EXOSC10: variants seen among roughly 807,000 people sequenced by gnomAD.
The protein encoded by EXOSC10 is exosome complex component 10.
Under a neutral mutation model 126.6 loss-of-function variants are expected in EXOSC10, and 94 were observed. That is an observed-to-expected ratio of 0.74 (90% CI 0.63 to 0.88). The LOEUF (loss-of-function observed/expected upper bound fraction) is 0.88, where lower values mean the gene tolerates loss of function less well. EXOSC10 is among the 40% of genes least tolerant of loss of function. The pLI, the probability that EXOSC10 is intolerant of heterozygous loss-of-function variation, is 0.00. For synonymous variants in EXOSC10, 395 were observed against 400.8 expected (o/e 0.99, Z 0.17); for missense variants, 1,041 against 1,100.5 (o/e 0.95, Z 0.77).
intron 19 of EXOSC10, chr1:11,072,695 A>G (rs1322969675): frequency 6.6e-6 from 1 of 152,480 alleles, no homozygotes; most frequent in Non-Finnish European, 1.5e-5. Flanking sequence ...CAGAAGCCCC[A>G]CCTGATTCCC....
intron 19 of EXOSC10, 157 bp from the exon 20 acceptor site, chr1:11,072,328 A>C: frequency 1.7e-6 from 1 of 590,380 alleles, no homozygotes; most frequent in East Asian, 2.9e-5. Flanking sequence ...AATAAATTTC[A>C]TGCTGGCTTT....
At position 11,095,884 on chromosome 1, in the gene EXOSC10, A is replaced by T. The variant is rs1236300335; in HGVS notation, c.249-3T>A. The T allele has an allele frequency of 6.2e-7, 1 of 1,609,418 alleles. No homozygotes were observed. Among genetic ancestry groups the T allele is most frequent in the Admixed American group, 1.7e-5 (1 of 59,226 alleles). On this transcript the variant is annotated splice_region_variant and splice_polypyrimidine_tract_variant and intron_variant, in intron 2 of 24. Transcript: ENST00000376936. ...GGTACTGCATTACTCTGCTCATGCT[A>T]AGGAAAGGAAAACCAAGGTTAGCTT... is the stretch of plus-strand genomic sequence containing the variant.
At chr1:11,078,264 C>CTTTTTTTT (rs1220119181) in intron 14 of EXOSC10, among the ~76,000 whole-genome samples, 6 of 143,724 alleles carry the variant, frequency 4.2e-5, no homozygotes, top group East Asian at 2.1e-4. Flanking sequence ...GACCCTGTTT[C>CTTTTTTTT]TTTTTTTTTT....
chr1:11,093,387 C>T (rs918474902), intron 3 of EXOSC10, among the ~76,000 whole-genome samples: 2 of 152,166 alleles, frequency 1.3e-5, no homozygotes, highest in Non-Finnish European at 2.9e-5. Flanking sequence ...TCAGCTTGGG[C>T]ACTACTAACA....
chr1:11,094,626 A>G (rs1640972259), intron 3 of EXOSC10, among the ~76,000 whole-genome samples: 1 of 129,712 alleles, frequency 7.7e-6, no homozygotes, highest in South Asian at 2.5e-4. Context: ...TTTTTGAGAC[A>G]GAGTCTCACT....
Position 11,071,203 on chromosome 1 carries a change from GCTC to G in EXOSC10, c.2243-233_2243-231del, listed in dbSNP as rs575497122. The G allele has an allele frequency of 7.5e-4, 395 of 526,776 alleles. 2 individuals carry two copies. The highest frequency in any genetic ancestry group is 6.3e-3 in the African/African-American group (330 of 52,394). The allele number at this position is 526,776 out of a possible 1,614,324, so 32.6% of individuals were successfully genotyped here. A position where few individuals can be genotyped will look rare whatever the true frequency, so the allele number is the denominator to read the frequency against. On this transcript the variant is annotated intron_variant, in intron 20 of 24. Coordinates refer to ENST00000376936, the MANE Select transcript of EXOSC10 (RefSeq NM_001001998.3). ...GAGCTGATCCTCCCCAGCCCTGCCT[GCTC>G]CTCTTCTGTGAACCTAAATGCTCAG...
Position 11,068,650 on chromosome 1 carries a change from C to T in EXOSC10, c.2545G>A (p.Gly849Ser), listed in dbSNP as rs1376333731. ...QFDPNKQTPS[G>S]KKCIAAKKIK... ...CCTCCAGGAGCAGTTCTTACCTTGCCAGACGGGGTCTGTTTATTTGGATCA... is the reference window on the plus strand; with the variant it reads ...CCTCCAGGAGCAGTTCTTACCTTGCTAGACGGGGTCTGTTTATTTGGATCA... Residue 849 changes from glycine to serine, a missense_variant, in exon 23 of 25, where the codon GGC becomes AGC. Physicochemically the swap from Gly to Ser is moderately conservative, Grantham distance 56. Coordinates refer to ENST00000376936, the MANE Select transcript of EXOSC10 (RefSeq NM_001001998.3). 1.9e-6 allele frequency: 3 copies of T among 1,614,088 alleles called. No individual in the cohort carries two copies. The highest frequency in any genetic ancestry group is 1.7e-5 in the Admixed American group (1 of 60,024).
chr1:11,084,885 T>A (rs1640403844), intron 9 of EXOSC10, among the ~76,000 whole-genome samples: 1 of 152,248 alleles, frequency 6.6e-6, no homozygotes, highest in African/African-American at 2.4e-5. Flanking sequence ...AAATAGGGAA[T>A]CCTTTCCCCA....
chr1:11,085,118 T>C (rs1032979240), intron 9 of EXOSC10, among the ~76,000 whole-genome samples: 2 of 152,204 alleles, frequency 1.3e-5, no homozygotes, highest in African/African-American at 4.8e-5. Flanking sequence ...CAGGCTCTTT[T>C]TTGGTTCCAT....
In EXOSC10 at chr1:11,099,791, G is replaced by T; in HGVS notation, c.41C>A (p.Ala14Glu). ...PSTREPRVLS[A>E]TSATKSDGEM... ...TCCGTCGGATTTGGTTGCGCTGGTC[G>T]CCGACAGGACCCTGGGCTCCCGGGT... The change falls in exon 1 of 25, where the codon GCG becomes GAG. Residue 14 changes from alanine (A) to glutamate (E), a missense_variant. This residue lies in a region of EXOSC10 where 645 missense variants were observed against 656.3 expected (regional missense o/e 0.98). Coordinates refer to ENST00000376936, the MANE Select transcript of EXOSC10 (RefSeq NM_001001998.3). The T allele has an allele frequency of 6.2e-7, 1 of 1,611,636 alleles. No individual in the cohort carries two copies. Among genetic ancestry groups the T allele is most frequent in the Non-Finnish European group, 8.5e-7 (1 of 1,178,852 alleles).
intron 9 of EXOSC10, among the ~76,000 whole-genome samples, chr1:11,083,235 C>T (rs904020060): frequency 6.6e-6 from 1 of 152,148 alleles, no homozygotes; most frequent in Non-Finnish European, 1.5e-5. Context: ...AGGCCTGAGC[C>T]ACCTCACCTG....
rs371003007 is a variant in EXOSC10 at position 11,087,765 on chromosome 1, T to C, written c.945+35A>G. 87 of 1,553,676 alleles carry C rather than the reference T, an allele frequency of 5.6e-5. No homozygotes were observed. In the African/African-American group the frequency reaches 1.1e-3, roughly 20 times the overall value. On this transcript the variant is annotated intron_variant, in intron 8 of 24. Transcript: ENST00000376936. ...TCCAACAGGTGAACTCACAGAAAAA[T>C]GTAAAAATTTTACCCAGGGTCATTT...
intron 9 of EXOSC10, among the ~76,000 whole-genome samples, chr1:11,084,981 A>G (rs1038452188): frequency 7.9e-5 from 12 of 152,012 alleles, no homozygotes; most frequent in African/African-American, 2.7e-4. Flanking sequence ...TGTTCTATTG[A>G]TCTATATCTC....
chr1:11,076,816 C>A, intron 17 of EXOSC10, 26 bp downstream of exon 17: 1 of 1,549,846 alleles, frequency 6.5e-7, no homozygotes, highest in Admixed American at 1.7e-5. Context: ...TCCTCATCAC[C>A]TCAGTGAAGT....
chr1:11,079,783 C>A lies in EXOSC10; in HGVS notation c.1677G>T (p.Pro559=), dbSNP rs766343669. ...QGIIACCNPV[P]PLVRQQINEM... ...CGTTGATCTGCTGCCGCACAAGGGG[C>A]GGTACTGGGTTGCAGCAAGCTATGA... Residue 559 remains proline (P), a synonymous_variant, in exon 14 of 25, where the codon CCG becomes CCT. Transcript: ENST00000376936. 6.2e-7 allele frequency: 1 copy of A among 1,613,646 alleles called. No individual in the cohort carries two copies. The highest frequency in any genetic ancestry group is 8.5e-7 in the Non-Finnish European group (1 of 1,179,802).
At chr1:11,070,601 A>G in intron 21 of EXOSC10, 1 of 296,114 alleles carries the variant, frequency 3.4e-6, no homozygotes, top group Non-Finnish European at 6.2e-6. Flanking sequence ...TGTAGGACAC[A>G]GCAGGACACA....
chr1:11,067,225 A>C (rs1340654329), intron 24 of EXOSC10, among the ~76,000 whole-genome samples: 1 of 152,120 alleles, frequency 6.6e-6, no homozygotes, highest in African/African-American at 2.4e-5. Flanking sequence ...AGGTCAGGAG[A>C]TCGAGACCAT....
intron 23 of EXOSC10, 53 bp from the exon 24 acceptor site, chr1:11,068,137 C>T: frequency 7.1e-7 from 1 of 1,410,876 alleles, no homozygotes; most frequent in Non-Finnish European, 1.0e-6. Flanking sequence ...CCACAAGATA[C>T]ACAGAAAAAC....
At chr1:11,077,715 C>T (rs1022356169) in intron 14 of EXOSC10, 64 bp from the exon 15 acceptor site, 17 of 1,457,320 alleles carry the variant, frequency 1.2e-5, no homozygotes, top group Middle Eastern at 4.6e-4. Context: ...AACCCCCAGT[C>T]TCCAGCGCTG....
Sources: allele counts gnomAD v4.1 joint callset (sites outside exome capture counted in the v4.1 genomes callset), GRCh38; gene constraint gnomAD v4.1.1; regional missense constraint gnomAD v4.1.1; transcripts MANE v1.5; gene names NCBI Gene and HGNC (gene_info 2026-07-23, HGNC 2026-07-21).